Variants in CACNA1C observed in about 807,000 individuals in gnomAD.
CACNA1C encodes the protein voltage-dependent L-type calcium channel subunit alpha-1C.
Under a neutral mutation model 229.0 loss-of-function variants are expected in CACNA1C, and 30 were observed. The observed-to-expected ratio is 0.13, with a 90% CI of 0.10 to 0.18. CACNA1C has a LOEUF of 0.18. CACNA1C is among the 10% of genes least tolerant of loss of function. The pLI, the probability that CACNA1C is intolerant of heterozygous loss-of-function variation, is 1.00. For synonymous variants in CACNA1C, 1,114 were observed against 1,132.5 expected (o/e 0.98, Z 0.33); for missense variants, 1,658 against 2,845.0 (o/e 0.58, Z 9.49).
intron 11 of CACNA1C, among the ~76,000 whole-genome samples, chr12:2,561,104 G>A (rs1348004011): frequency 1.4e-4 from 22 of 152,132 alleles, no homozygotes; most frequent in African/African-American, 7.2e-5. Flanking sequence ...CTGCTCAACC[G>A]TGCCATCAGC....
intron 1 of CACNA1C, among the ~76,000 whole-genome samples, chr12:2,035,624 G>C (rs1302356823): frequency 1.3e-5 from 2 of 152,206 alleles, no homozygotes; most frequent in African/African-American, 2.4e-5. Flanking sequence ...GCCACTAGGG[G>C]ACACAGCCCA....
chr12:2,535,257 T>G (rs2099850452), intron 9 of CACNA1C, among the ~76,000 whole-genome samples: 1 of 151,998 alleles, frequency 6.6e-6, no homozygotes, highest in Admixed American at 6.6e-5. Flanking sequence ...GGCATGGTGC[T>G]GGGCGCCTAT....
intron 3 of CACNA1C, among the ~76,000 whole-genome samples, chr12:2,130,099 T>C (rs2091772673): frequency 6.6e-6 from 1 of 151,926 alleles, no homozygotes; most frequent in South Asian, 2.1e-4. Context: ...CTAATAATAA[T>C]AGCAGCAATA....
intron 1 of CACNA1C, among the ~76,000 whole-genome samples, chr12:2,022,927 T>G (rs796594722): frequency 6.6e-6 from 1 of 152,148 alleles, no homozygotes; most frequent in African/African-American, 2.4e-5. Context: ...AAGAGAATGC[T>G]GTGGAAGGTA....
intron 6 of CACNA1C, among the ~76,000 whole-genome samples, chr12:2,489,867 A>T (rs2099710744): frequency 6.6e-6 from 1 of 152,206 alleles, no homozygotes; most frequent in Admixed American, 6.5e-5. Flanking sequence ...TAAAATGTAG[A>T]ACCTGCATTG....
chr12:2,147,676 A>T (rs1475048490), intron 3 of CACNA1C, among the ~76,000 whole-genome samples: 4 of 151,086 alleles, frequency 2.6e-5, no homozygotes, highest in Non-Finnish European at 4.4e-5. Flanking sequence ...CTGAGGATAA[A>T]ATGTAAAATG....
intron 3 of CACNA1C, among the ~76,000 whole-genome samples, chr12:2,174,862 G>T (rs906995278): frequency 1.3e-5 from 2 of 152,198 alleles, no homozygotes; most frequent in Non-Finnish European, 2.9e-5. Flanking sequence ...CCTAAGGAAG[G>T]TAAAATATAT....
At chr12:2,524,825 A>G (rs2099815927) in intron 9 of CACNA1C, among the ~76,000 whole-genome samples, 2 of 152,152 alleles carry the variant, frequency 1.3e-5, no homozygotes, top group Admixed American at 6.5e-5. Flanking sequence ...CCTGACTTCC[A>G]GGGGACTGGC....
intron 4 of CACNA1C, among the ~76,000 whole-genome samples, chr12:2,454,155 TCA>T (rs1491091590): frequency 4.6e-5 from 7 of 152,178 alleles, no homozygotes; most frequent in Non-Finnish European, 8.8e-5. Context: ...GACCTTTGAG[TCA>T]CCCCTCCTTG....
At chr12:2,206,942 T>C (rs1337323019) in intron 3 of CACNA1C, among the ~76,000 whole-genome samples, 4 of 152,206 alleles carry the variant, frequency 2.6e-5, no homozygotes, top group Non-Finnish European at 5.9e-5. Flanking sequence ...TATAGGAAAT[T>C]ATATTTACAG....
intron 3 of CACNA1C, among the ~76,000 whole-genome samples, chr12:2,390,774 G>A (rs2098467435): frequency 6.6e-6 from 1 of 152,108 alleles, no homozygotes; most frequent in African/African-American, 2.4e-5. Context: ...CTGAGAACTG[G>A]ACAGGGCCCT....
intron 3 of CACNA1C, among the ~76,000 whole-genome samples, chr12:2,132,098 C>G (rs1469816689): frequency 1.4e-5 from 2 of 138,304 alleles, no homozygotes; most frequent in Non-Finnish European, 1.6e-5. Flanking sequence ...TGATTTGGCT[C>G]TCTGTTTGTC....
At chr12:2,353,700 C>A (rs1008641821) in intron 3 of CACNA1C, among the ~76,000 whole-genome samples, 1 of 152,230 alleles carries the variant, frequency 6.6e-6, no homozygotes, top group African/African-American at 2.4e-5. Flanking sequence ...GAGCATGACC[C>A]GTGCCTCAAT....
chr12:2,369,811 C>T (rs2154537999), intron 3 of CACNA1C, among the ~76,000 whole-genome samples: 1 of 152,244 alleles, frequency 6.6e-6, no homozygotes, highest in South Asian at 2.1e-4. Flanking sequence ...TATTTAACTG[C>T]CTCCAGAATT....
At chr12:2,415,286 T>G (rs1018823352) in intron 3 of CACNA1C, among the ~76,000 whole-genome samples, 6 of 152,166 alleles carry the variant, frequency 3.9e-5, no homozygotes, top group African/African-American at 1.4e-4. Flanking sequence ...GTGAGTAGGC[T>G]CAACCATTCG....
chr12:2,607,734 A>G (rs2075998664), intron 26 of CACNA1C: 2 of 152,334 alleles, frequency 1.3e-5, no homozygotes, highest in African/African-American at 4.8e-5. Flanking sequence ...AGATCCTTAT[A>G]TCTTTGTATA....
intron 30 of CACNA1C, among the ~76,000 whole-genome samples, chr12:2,641,164 G>A (rs1263303840): frequency 6.6e-6 from 1 of 152,246 alleles, no homozygotes; most frequent in African/African-American, 2.4e-5. Flanking sequence ...ACATTAGGGT[G>A]TACACACCTT....
intron 1 of CACNA1C, among the ~76,000 whole-genome samples, chr12:2,071,552 C>G (rs531522703): frequency 3.3e-5 from 5 of 150,246 alleles, no homozygotes; most frequent in African/African-American, 1.2e-4. Context: ...TATTATCTCT[C>G]CCCTAGTCAC....
intron 9 of CACNA1C, among the ~76,000 whole-genome samples, chr12:2,519,898 C>T (rs144657533): frequency 1.3e-5 from 2 of 152,314 alleles, no homozygotes; most frequent in East Asian, 1.9e-4. Context: ...TATCTGGCCC[C>T]GTAAGTGTAC....
Sources: gnomAD v4.1 joint callset for allele counts (sites outside exome capture counted in the v4.1 genomes callset) on GRCh38, gnomAD v4.1.1 for gene constraint, MANE v1.5 for transcripts, NCBI Gene and HGNC (gene_info 2026-07-23, HGNC 2026-07-21) for gene names.